SAMD4A: variants seen among roughly 807,000 people sequenced by gnomAD.
SAMD4A encodes protein Smaug homolog 1.
In SAMD4A, 33 loss-of-function variants were observed where a neutral mutation model predicts 81.3. The observed-to-expected ratio is 0.41, with a 90% CI of 0.31 to 0.54. The LOEUF (loss-of-function observed/expected upper bound fraction) is 0.54, where lower values mean the gene tolerates loss of function less well. Among genes scored for constraint, SAMD4A ranks in the 20% least tolerant of loss-of-function variants. SAMD4A has a pLI of 0.37. For missense variants in SAMD4A, 854 were observed against 951.1 expected (o/e 0.90, Z 1.34); for synonymous variants, 389 against 382.1 (o/e 1.02, Z -0.21).
rs1170312341 is a variant in SAMD4A at position 54,667,616 on chromosome 14, C to T, written c.197-34446C>T. ...CCTGGGATCACCAGCCTCTCTGTTG[C>T]CTTCTCCCTGTCACCCAGGGCGAGT... On this transcript the variant is annotated intron_variant, in intron 2 of 12. Coordinates refer to ENST00000554335, the MANE Select transcript of SAMD4A (RefSeq NM_015589.6). Among the ~76,000 whole-genome samples, 7 of 152,204 alleles carry T rather than the reference C, an allele frequency of 4.6e-5. No individual in the cohort carries two copies. The East Asian group carries it at 1.3e-3, about 29-fold the overall frequency.
Position 54,678,433 on chromosome 14 carries a change from T to TTGTGTGTGTGTGTGTG in SAMD4A, c.197-23561_197-23546dup, listed in dbSNP as rs769193366. ...GTGTCGTATTTTGGGCAGTCACCATTTGTGTGTGTGTGTGTGTGTGTGTGT... is the reference window on the plus strand; with the variant it reads ...GTGTCGTATTTTGGGCAGTCACCATTTGTGTGTGTGTGTGTGTGTGTGTGTGTGTGTGTGTGTGTGT... On this transcript the variant is annotated intron_variant, in intron 2 of 12. Transcript: ENST00000554335. Among the ~76,000 whole-genome samples the TTGTGTGTGTGTGTGTG allele has an allele frequency of 1.1e-3, 86 of 81,264 alleles. 10 individuals are homozygous for TTGTGTGTGTGTGTGTG. The highest frequency in any genetic ancestry group is 2.1e-3 in the Admixed American group (13 of 6,230). The allele number at this position is 81,264 out of a possible 152,430, so 53.3% of individuals were successfully genotyped here.
intron 2 of SAMD4A, among the ~76,000 whole-genome samples, chr14:54,679,141 T>C (rs1322300167): frequency 6.6e-6 from 1 of 152,248 alleles, no homozygotes; most frequent in Non-Finnish European, 1.5e-5. Flanking sequence ...TTTTTTTCTA[T>C]CATTTTTGGA....
At chr14:54,629,996 T>C (rs572325337) in intron 2 of SAMD4A, among the ~76,000 whole-genome samples, 1 of 152,338 alleles carries the variant, frequency 6.6e-6, no homozygotes, top group South Asian at 2.1e-4. Flanking sequence ...TGTTGTAGCA[T>C]GTGTCAGAAT....
rs2036220167 is a variant in SAMD4A at position 54,684,854 on chromosome 14, G to T, written c.197-17208G>T. ...GCTCTGTGCAGCGTTTGACTTGGGG[G>T]TTAAGCCGGGTGCCTCAGGGCGGGA... On this transcript the variant is annotated intron_variant, in intron 2 of 12. Transcript: ENST00000554335. Among the ~76,000 whole-genome samples, 6 of 152,358 alleles carry T rather than the reference G, an allele frequency of 3.9e-5. No individual in the cohort carries two copies. The South Asian group carries it at 1.2e-3, about 32-fold the overall frequency.
chr14:54,682,745 A>C (rs921747628), intron 2 of SAMD4A, among the ~76,000 whole-genome samples: 12 of 152,212 alleles, frequency 7.9e-5, no homozygotes, highest in Admixed American at 5.2e-4. Context: ...ACATGTACCA[A>C]ATTAAAGCGT....
intron 2 of SAMD4A, among the ~76,000 whole-genome samples, chr14:54,627,373 G>A (rs535304819): frequency 1.3e-5 from 2 of 152,252 alleles, no homozygotes; most frequent in South Asian, 2.1e-4. Flanking sequence ...TTGCTGCTCC[G>A]TGGCTGATCC....
intron 2 of SAMD4A, among the ~76,000 whole-genome samples, chr14:54,683,360 A>G (rs1463469745): frequency 6.6e-6 from 1 of 152,232 alleles, no homozygotes; most frequent in Non-Finnish European, 1.5e-5. Context: ...GCAGTCACAT[A>G]GGATTTCTAA....
chr14:54,640,224 G>GTC lies in SAMD4A; in HGVS notation c.197-61829_197-61828dup, dbSNP rs368806740. Among the ~76,000 whole-genome samples the GTC allele has an allele frequency of 6.6e-4, 101 of 152,038 alleles. 3 individuals carry two copies. The highest frequency in any genetic ancestry group is 2.3e-3 in the African/African-American group (96 of 41,484). The stretch of plus-strand genomic sequence containing the variant: ...TTCCTTCATCTCCCAGCGCCCTCGT[G>GTC]TCTCTCTCTCAACAGTACCTGGAAG... On this transcript the variant is annotated intron_variant, in intron 2 of 12. Transcript: ENST00000554335.
intron 2 of SAMD4A, among the ~76,000 whole-genome samples, chr14:54,701,806 G>A (rs1275190706): frequency 6.6e-6 from 1 of 152,196 alleles, no homozygotes; most frequent in Non-Finnish European, 1.5e-5. Context: ...CAAAGTAGTT[G>A]TAGCTTTTTT....
intron 2 of SAMD4A, among the ~76,000 whole-genome samples, chr14:54,615,121 C>T (rs1344300977): frequency 1.3e-5 from 2 of 152,184 alleles, no homozygotes; most frequent in African/African-American, 2.4e-5. Flanking sequence ...GAAAGTTGCC[C>T]AGCCTCCCTG....
intron 2 of SAMD4A, among the ~76,000 whole-genome samples, chr14:54,578,956 G>C (rs1480708447): frequency 2.0e-5 from 3 of 152,200 alleles, no homozygotes; most frequent in African/African-American, 4.8e-5. Flanking sequence ...CCCAAAAGCA[G>C]TGATAAGTGC....
At chr14:54,591,966 G>T (rs1286593251) in intron 2 of SAMD4A, among the ~76,000 whole-genome samples, 3 of 152,052 alleles carry the variant, frequency 2.0e-5, no homozygotes, top group Non-Finnish European at 4.4e-5. Context: ...CAGTCAAAGT[G>T]ACTTGCTTTG....
chr14:54,631,602 AAAG>A (rs1291981307), intron 2 of SAMD4A, among the ~76,000 whole-genome samples: 1 of 152,214 alleles, frequency 6.6e-6, no homozygotes, highest in East Asian at 1.9e-4. Context: ...ATGTGGCCTC[AAAG>A]AAGGAGTTTT....
At chr14:54,578,356 A>G (rs2033366058) in intron 2 of SAMD4A, among the ~76,000 whole-genome samples, 1 of 151,436 alleles carries the variant, frequency 6.6e-6, no homozygotes, top group Non-Finnish European at 1.5e-5. Flanking sequence ...GCAGAGGAGA[A>G]AGAGAGAGAG....
intron 9 of SAMD4A, among the ~76,000 whole-genome samples, chr14:54,774,662 A>AAAAAAAAAAAGTT (rs2038790914): frequency 6.6e-6 from 1 of 151,732 alleles, no homozygotes; most frequent in South Asian, 2.1e-4. Flanking sequence ...CAAAAAAAAA[A>AAAAAAAAAAAGTT]AGTTAGCTGG....
intron 4 of SAMD4A, among the ~76,000 whole-genome samples, chr14:54,744,414 G>T (rs1291285832): frequency 6.6e-6 from 1 of 152,184 alleles, no homozygotes; most frequent in African/African-American, 2.4e-5. Flanking sequence ...CCTCCCTGTG[G>T]CTGGTTTATC....
intron 2 of SAMD4A, among the ~76,000 whole-genome samples, chr14:54,587,624 T>A (rs1459952134): frequency 6.6e-6 from 1 of 152,222 alleles, no homozygotes; most frequent in African/African-American, 2.4e-5. Context: ...CAAATGCTGT[T>A]TCTGCATCTA....
intron 2 of SAMD4A, among the ~76,000 whole-genome samples, chr14:54,650,843 T>C (rs769661148): frequency 7.2e-5 from 11 of 152,230 alleles, no homozygotes; most frequent in Non-Finnish European, 1.2e-4. Context: ...GTTGTATGCT[T>C]GCACTGAGCA....
chr14:54,726,479 A>G (rs1051183551), intron 3 of SAMD4A, among the ~76,000 whole-genome samples: 1 of 152,196 alleles, frequency 6.6e-6, no homozygotes, highest in Non-Finnish European at 1.5e-5. Flanking sequence ...TGAGGGTATG[A>G]ATTTTGTCTT....
Sources: gnomAD v4.1 joint callset for allele counts (sites outside exome capture counted in the v4.1 genomes callset) on GRCh38, gnomAD v4.1.1 for gene constraint, MANE v1.5 for transcripts, NCBI Gene and HGNC (gene_info 2026-07-23, HGNC 2026-07-21) for gene names.